Variants in MAPK8 observed in about 807,000 individuals in gnomAD.
The protein encoded by MAPK8 is JUN N-terminal kinase.
A neutral mutation model predicts 52.9 loss-of-function variants in MAPK8; 13 were observed. The ratio of observed to expected loss-of-function variants is 0.25; its 90% confidence interval spans 0.16 to 0.39. The LOEUF is 0.39. Among genes scored for constraint, MAPK8 ranks in the 10% least tolerant of loss-of-function variants. The probability of loss-of-function intolerance (pLI) is 1.00; values close to 1 mark genes in which losing one functional copy is unlikely to be tolerated. For missense variants in MAPK8, 300 were observed against 519.2 expected (o/e 0.58, Z 4.10); for synonymous variants, 191 against 169.8 (o/e 1.12, Z -0.97).
At chr10:48,407,527 A>G (rs1228856347) in intron 3 of MAPK8, among the ~76,000 whole-genome samples, 1 of 152,210 alleles carries the variant, frequency 6.6e-6, no homozygotes, top group Non-Finnish European at 1.5e-5. Context: ...TGTCCAGTCT[A>G]TAACTGATAT....
At chr10:48,411,475 G>A (rs2042743332) in intron 5 of MAPK8, among the ~76,000 whole-genome samples, 1 of 152,176 alleles carries the variant, frequency 6.6e-6, no homozygotes. Context: ...TAGCTCCTAT[G>A]TGCCTGACCA....
chr10:48,422,043 T>TTATTTATC, intron 6 of MAPK8, among the ~76,000 whole-genome samples: 1 of 136,316 alleles, frequency 7.3e-6, no homozygotes, highest in East Asian at 2.1e-4. Context: ...ATTTATTTAT[T>TTATTTATC]TATTTTTGAG....
intron 1 of MAPK8, among the ~76,000 whole-genome samples, chr10:48,320,328 C>T (rs1842887944): frequency 6.9e-6 from 1 of 143,972 alleles, no homozygotes; most frequent in African/African-American, 2.6e-5. Context: ...GGCTGAAACT[C>T]CTGGGCTGAA....
chr10:48,360,908 G>A (rs981411266), intron 1 of MAPK8, among the ~76,000 whole-genome samples: 23 of 152,172 alleles, frequency 1.5e-4, no homozygotes, highest in African/African-American at 5.1e-4. Flanking sequence ...GGTAATGGGT[G>A]ATGGATACAC....
chr10:48,426,165 A>C (rs144832196), intron 8 of MAPK8, 95 bp downstream of exon 8: 1 of 1,174,404 alleles, frequency 8.5e-7, no homozygotes, highest in African/African-American at 1.6e-5. Flanking sequence ...TTCTTATGGG[A>C]CATGAACCCA....
chr10:48,340,992 G>A (rs972783110), intron 1 of MAPK8, among the ~76,000 whole-genome samples: 1 of 152,176 alleles, frequency 6.6e-6, no homozygotes, highest in Non-Finnish European at 1.5e-5. Flanking sequence ...TACCTAATTT[G>A]TTTTCCTTCT....
At chr10:48,413,532 C>T (rs1264620593) in intron 5 of MAPK8, among the ~76,000 whole-genome samples, 1 of 151,916 alleles carries the variant, frequency 6.6e-6, no homozygotes, top group Non-Finnish European at 1.5e-5. Flanking sequence ...TCTGAGTTCA[C>T]TTGATTGCCG....
chr10:48,412,298 A>G (rs1029597556), intron 5 of MAPK8, among the ~76,000 whole-genome samples: 1 of 152,198 alleles, frequency 6.6e-6, no homozygotes, highest in Non-Finnish European at 1.5e-5. Context: ...TTCGCTTTCA[A>G]CAGTTTGATT....
chr10:48,370,048 G>A (rs1483299173), intron 1 of MAPK8, among the ~76,000 whole-genome samples: 1 of 152,080 alleles, frequency 6.6e-6, no homozygotes, highest in Non-Finnish European at 1.5e-5. Flanking sequence ...AAAATATCAG[G>A]GTCTTGATCA....
At chr10:48,349,426 G>T (rs1410077992) in intron 1 of MAPK8, among the ~76,000 whole-genome samples, 1 of 152,164 alleles carries the variant, frequency 6.6e-6, no homozygotes, top group Admixed American at 6.6e-5. Flanking sequence ...CAGTCTCTCA[G>T]ACCACAGTGC....
intron 1 of MAPK8, among the ~76,000 whole-genome samples, chr10:48,394,108 C>T (rs1419846046): frequency 6.6e-6 from 1 of 151,780 alleles, no homozygotes; most frequent in African/African-American, 2.4e-5. Flanking sequence ...CCAAACAGCC[C>T]TATGTTTATA....
At chr10:48,355,892 C>T (rs1004656666) in intron 1 of MAPK8, among the ~76,000 whole-genome samples, 5 of 151,936 alleles carry the variant, frequency 3.3e-5, no homozygotes, top group Non-Finnish European at 5.9e-5. Flanking sequence ...ACAGATTTAC[C>T]GTGAATAAGG....
chr10:48,308,350 C>G (rs372303539), intron 1 of MAPK8: 7 of 152,222 alleles, frequency 4.6e-5, no homozygotes, highest in African/African-American at 1.7e-4. Flanking sequence ...TATTTAAAAT[C>G]AAGCCTTAAA....
rs190122514 is a variant in MAPK8 at position 48,359,154 on chromosome 10, A to G, written c.-49-42458A>G. Among the ~76,000 whole-genome samples, 481 of 151,944 alleles carry G rather than the reference A, an allele frequency of 3.2e-3. 1 individual carries two copies. The highest frequency in any genetic ancestry group is 5.0e-3 in the Non-Finnish European group (342 of 67,952). ...TCTTCATTATTTTCTTCCTTTTACT[A>G]TATTCTTTGGGTTGATATTACTGCT... On this transcript the variant is annotated intron_variant, in intron 1 of 11. Transcript: ENST00000374189.
chr10:48,339,957 G>A (rs1175483960), intron 1 of MAPK8, among the ~76,000 whole-genome samples: 1 of 152,214 alleles, frequency 6.6e-6, no homozygotes, highest in African/African-American at 2.4e-5. Flanking sequence ...TGGTGGGAAT[G>A]TAAATTAGTA....
intron 6 of MAPK8, among the ~76,000 whole-genome samples, chr10:48,420,980 T>C (rs1295662474): frequency 6.6e-6 from 1 of 152,224 alleles, no homozygotes; most frequent in East Asian, 1.9e-4. Flanking sequence ...CTACTTATAT[T>C]TAATTTAGGA....
chr10:48,374,915 A>C (rs1028005301), intron 1 of MAPK8, among the ~76,000 whole-genome samples: 2 of 152,052 alleles, frequency 1.3e-5, no homozygotes, highest in Admixed American at 1.3e-4. Context: ...TGATACCAAA[A>C]CCTGGCAGAG....
intron 1 of MAPK8, among the ~76,000 whole-genome samples, chr10:48,314,520 A>C (rs934718047): frequency 3.3e-5 from 5 of 152,176 alleles, no homozygotes; most frequent in Non-Finnish European, 7.3e-5. Context: ...CCTTGTGCAT[A>C]CGTCGTGTTG....
chr10:48,381,612 G>A (rs1241841898), intron 1 of MAPK8, among the ~76,000 whole-genome samples: 1 of 152,036 alleles, frequency 6.6e-6, no homozygotes, highest in East Asian at 1.9e-4. Flanking sequence ...TATAATTGAT[G>A]CCTACTTTTT....
Sources: gnomAD v4.1 joint callset for allele counts (sites outside exome capture counted in the v4.1 genomes callset) on GRCh38, gnomAD v4.1.1 for gene constraint, MANE v1.5 for transcripts, NCBI Gene and HGNC (gene_info 2026-07-23, HGNC 2026-07-21) for gene names.